Variants in SAMMSON observed in about 807,000 individuals in gnomAD.
SAMMSON encodes survival associated mitochondrial melanoma specific oncogenic non-coding RNA, also known as long intergenic non-protein coding RNA 1212.
At chr3:70,045,127 TAA>T (rs2067121228) in intron 3 of SAMMSON, among the ~76,000 whole-genome samples, 21 of 87,660 alleles carry the variant, frequency 2.4e-4, no homozygotes, top group Admixed American at 2.4e-3. Flanking sequence ...ATATTAATTA[TAA>T]TATATTATAA....
intron 4 of SAMMSON, among the ~76,000 whole-genome samples, chr3:70,130,554 A>G (rs1011502932): frequency 5.3e-5 from 8 of 152,110 alleles, no homozygotes; most frequent in Non-Finnish European, 7.4e-5. Context: ...ATAGAATGCA[A>G]TGGAGGTGGC....
chr3:70,175,763 T>G (rs1001562072), intron 4 of SAMMSON, among the ~76,000 whole-genome samples: 2 of 152,096 alleles, frequency 1.3e-5, no homozygotes, highest in African/African-American at 4.8e-5. Context: ...TGTGGTAAGA[T>G]TCTCAGGACT....
intron 4 of SAMMSON, among the ~76,000 whole-genome samples, chr3:70,188,112 A>G (rs1701105829): frequency 6.6e-6 from 1 of 152,100 alleles, no homozygotes; most frequent in African/African-American, 2.4e-5. Flanking sequence ...TAAATCCTCA[A>G]AATGTTGGGT....
In SAMMSON at chr3:70,324,084, A is replaced by C. The variant is rs570894234; in HGVS notation, n.740-30091A>C. ...AATCAGAAAGAAAGATGACAGCCCT[A>C]CAGGGACTGTTTAACCAGCTCCCCA... is the stretch of plus-strand genomic sequence containing the variant. On this transcript the variant is annotated intron_variant and non_coding_transcript_variant, in intron 7 of 9. Transcript: ENST00000642114. 2.6e-5 allele frequency among the ~76,000 whole-genome samples: 4 copies of C among 152,134 alleles called. No individual in the cohort carries two copies. In the East Asian group the frequency reaches 7.7e-4, roughly 29 times the overall value.
At chr3:70,218,228 T>C (rs75567147) in intron 4 of SAMMSON, among the ~76,000 whole-genome samples, 8,954 of 152,252 alleles carry the variant, frequency 0.059, 410 homozygotes, top group East Asian at 0.25. Context: ...CACTTATTTC[T>C]ATTTTTAAAT....
intron 4 of SAMMSON, among the ~76,000 whole-genome samples, chr3:70,154,136 C>G (rs7433290): frequency 1.3e-5 from 2 of 151,896 alleles, no homozygotes; most frequent in Non-Finnish European, 2.9e-5. Flanking sequence ...TTTAAAGCAA[C>G]ATTTAATTAC....
At chr3:70,262,241 A>G (rs1701874070) in intron 6 of SAMMSON, among the ~76,000 whole-genome samples, 1 of 152,212 alleles carries the variant, frequency 6.6e-6, no homozygotes, top group South Asian at 2.1e-4. Context: ...AATTATACCA[A>G]TAACGTGAGA....
At chr3:70,263,195 G>T (rs1267305576) in intron 6 of SAMMSON, among the ~76,000 whole-genome samples, 3 of 151,698 alleles carry the variant, frequency 2.0e-5, no homozygotes, top group African/African-American at 7.3e-5. Flanking sequence ...TTTCCTTCTG[G>T]TTATGGATCA....
chr3:70,254,877 T>C (rs1553649070), intron 6 of SAMMSON, among the ~76,000 whole-genome samples: 1 of 152,202 alleles, frequency 6.6e-6, no homozygotes, highest in Non-Finnish European at 1.5e-5. Context: ...GAGAGCATAT[T>C]ATATAAAATT....
chr3:70,161,707 T>C (rs2067616250), intron 4 of SAMMSON, among the ~76,000 whole-genome samples: 1 of 151,928 alleles, frequency 6.6e-6, no homozygotes, highest in African/African-American at 2.4e-5. Context: ...AAGTTTTTCT[T>C]CCTCTTTTAT....
chr3:70,195,109 G>T (rs1352484173), intron 4 of SAMMSON, among the ~76,000 whole-genome samples: 1 of 152,172 alleles, frequency 6.6e-6, no homozygotes, highest in Non-Finnish European at 1.5e-5. Flanking sequence ...ATAATTCACT[G>T]TGTGGTCTTG....
intron 4 of SAMMSON, among the ~76,000 whole-genome samples, chr3:70,140,870 T>C (rs1438560582): frequency 6.6e-6 from 1 of 152,172 alleles, no homozygotes; most frequent in Non-Finnish European, 1.5e-5. Context: ...TAGCCTTTAT[T>C]GTCCATATTT....
chr3:70,292,230 A>G (rs1559555984), intron 7 of SAMMSON, among the ~76,000 whole-genome samples: 1 of 152,180 alleles, frequency 6.6e-6, no homozygotes, highest in Non-Finnish European at 1.5e-5. Context: ...GAGTTGTTGT[A>G]CAGATTGAGT....
At chr3:70,213,864 T>C (rs909627199) in intron 4 of SAMMSON, among the ~76,000 whole-genome samples, 27 of 147,536 alleles carry the variant, frequency 1.8e-4, no homozygotes, top group Non-Finnish European at 3.8e-4. Flanking sequence ...TATTTTTATA[T>C]TGAGTAAAAT....
intron 7 of SAMMSON, among the ~76,000 whole-genome samples, chr3:70,300,279 C>T (rs1480224431): frequency 6.6e-6 from 1 of 152,098 alleles, no homozygotes; most frequent in African/African-American, 2.4e-5. Context: ...AACATTTCTC[C>T]TTTATTTAAA....
intron 6 of SAMMSON, among the ~76,000 whole-genome samples, chr3:70,276,544 T>C (rs1702028485): frequency 6.6e-6 from 1 of 152,216 alleles, no homozygotes; most frequent in African/African-American, 2.4e-5. Flanking sequence ...TTAGTAAATA[T>C]TTATCACATA....
At chr3:70,350,741 T>C (rs1260333671) in intron 7 of SAMMSON, among the ~76,000 whole-genome samples, 1 of 152,176 alleles carries the variant, frequency 6.6e-6, no homozygotes, top group African/African-American at 2.4e-5. Context: ...TAAGGTAATT[T>C]CAAATATTAA....
intron 4 of SAMMSON, among the ~76,000 whole-genome samples, chr3:70,248,603 G>C (rs1701730767): frequency 6.6e-6 from 1 of 152,090 alleles, no homozygotes; most frequent in Non-Finnish European, 1.5e-5. Flanking sequence ...GAAGGGACAA[G>C]ATTGGATTAG....
chr3:70,333,877 G>A (rs545350319), intron 7 of SAMMSON, among the ~76,000 whole-genome samples: 1 of 152,318 alleles, frequency 6.6e-6, no homozygotes, highest in South Asian at 2.1e-4. Flanking sequence ...AAGTACGTGA[G>A]AGAAATTAAA....
Sources: allele counts gnomAD v4.1 joint callset (sites outside exome capture counted in the v4.1 genomes callset), GRCh38; gene constraint gnomAD v4.1.1; transcripts MANE v1.5; gene names NCBI Gene and HGNC (gene_info 2026-07-23, HGNC 2026-07-21).